Variants in TG observed in about 807,000 individuals in gnomAD.
TG encodes thyroglobulin, also known as thyroid hormones.
TG carries 270 observed loss-of-function variants against 324.7 expected under a neutral mutation model. The ratio of observed to expected loss-of-function variants is 0.83; its 90% confidence interval spans 0.75 to 0.92. The LOEUF is 0.92. Among genes scored for constraint, TG ranks in the 40% least tolerant of loss-of-function variants. The pLI, the probability that TG is intolerant of heterozygous loss-of-function variation, is 0.00. For missense variants in TG, 3,591 were observed against 3,456.4 expected, an observed-to-expected ratio of 1.04 and a Z score of -0.98; for synonymous variants, 1,401 against 1,327.0, an observed-to-expected ratio of 1.06 and a Z score of -1.21.
intron 10 of TG, among the ~76,000 whole-genome samples, chr8:132,889,646 C>T (rs994568742): frequency 1.3e-5 from 2 of 152,194 alleles, no homozygotes; most frequent in African/African-American, 4.8e-5. Context: ...TAGAATCATT[C>T]TCCATACCAG....
Position 132,901,429 on chromosome 8 carries a change from G to A in TG, c.3510G>A (p.Arg1170=), listed in dbSNP as rs1441533637. Residue 1170 remains arginine (R), a synonymous_variant, in exon 16 of 48, where the codon AGG becomes AGA. Coordinates refer to ENST00000220616, the MANE Select transcript of TG (RefSeq NM_003235.5). ...RVSPGYVPAC[R]AEDGGFSPVQ... is the part of the protein sequence containing the mutation. ...GCCCAGGCTATGTCCCAGCCTGCAG[G>A]GCAGAGGATGGGGGCTTTTCCCCAG... 11 of 1,614,136 alleles carry A rather than the reference G, an allele frequency of 6.8e-6. No homozygotes were observed. The highest frequency in any genetic ancestry group is 7.6e-6 in the Non-Finnish European group (9 of 1,180,056).
At position 133,063,593 on chromosome 8, in the gene TG, A is replaced by T. The variant is rs1416930809; in HGVS notation, c.7240-31451A>T. ...AAAGAAACGTACCCAGGGTCATGAGATGAGAAAGTTTGAGTCAGTCCTAGA... is the reference window on the plus strand; with the variant it reads ...AAAGAAACGTACCCAGGGTCATGAGTTGAGAAAGTTTGAGTCAGTCCTAGA... On this transcript the variant is annotated intron_variant, in intron 41 of 47. Transcript: ENST00000220616. The T allele has an allele frequency of 2.6e-5, 4 of 151,894 alleles. 1 individual carries two copies. In the South Asian group the frequency reaches 8.3e-4, roughly 32 times the overall value. The allele number at this position is 151,894 out of a possible 1,614,324, so 9.4% of individuals were successfully genotyped here. A position where few individuals can be genotyped will look rare whatever the true frequency, so the allele number is the denominator to read the frequency against.
rs976413859 is a variant in TG at position 132,873,478 on chromosome 8, G to A, written c.638+257G>A. Among the ~76,000 whole-genome samples the A allele has an allele frequency of 7.2e-5, 11 of 152,114 alleles. No individual in the cohort carries two copies. The South Asian group carries it at 1.4e-3, about 20-fold the overall frequency. The stretch of plus-strand genomic sequence containing the variant: ...AAACATCAGAATGTGAAGACATATC[G>A]GCTAGGGTGCCTACTACATCATTTT... On this transcript the variant is annotated intron_variant, in intron 5 of 47. Transcript: ENST00000220616.
Position 133,056,035 on chromosome 8 carries a change from A to T in TG, c.7239+26012A>T, listed in dbSNP as rs1841390776. On this transcript the variant is annotated intron_variant, in intron 41 of 47. Coordinates refer to ENST00000220616, the MANE Select transcript of TG (RefSeq NM_003235.5). ...GTCCAGAGACCGCCCAAGAGCACAC[A>T]CCTAGGAAGCTGAGTGCCAGGTTTC... Among the ~76,000 whole-genome samples, 4 of 152,250 alleles carry T rather than the reference A, an allele frequency of 2.6e-5. No individual in the cohort carries two copies. The South Asian group carries it at 8.3e-4, about 32-fold the overall frequency.
intron 10 of TG, among the ~76,000 whole-genome samples, chr8:132,889,465 G>A (rs16904777): frequency 1.3e-5 from 2 of 152,166 alleles, no homozygotes; most frequent in East Asian, 1.9e-4. Context: ...TCGGGTGAAA[G>A]TACCATGTGA....
intron 33 of TG, 103 bp downstream of exon 33, chr8:132,971,976 C>T (rs113952112): frequency 4.9e-5 from 42 of 859,316 alleles, no homozygotes; most frequent in Admixed American, 3.8e-5. Context: ...CTCCTATCCT[C>T]GTTCACAGAT....
At chr8:132,916,343 A>G (rs760865154) in intron 20 of TG, among the ~76,000 whole-genome samples, 55 of 152,066 alleles carry the variant, frequency 3.6e-4, no homozygotes, top group Non-Finnish European at 6.6e-4. Context: ...TCTAAATCCA[A>G]CTCTGTCTGC....
intron 40 of TG, among the ~76,000 whole-genome samples, chr8:133,027,484 G>A (rs1490797694): frequency 2.0e-5 from 3 of 152,044 alleles, no homozygotes; most frequent in African/African-American, 7.2e-5. Context: ...CTGAGGATGA[G>A]AAGAACTGGA....
At chr8:132,937,822 T>G (rs568377122) in intron 25 of TG, among the ~76,000 whole-genome samples, 2 of 152,350 alleles carry the variant, frequency 1.3e-5, no homozygotes, top group South Asian at 4.1e-4. Context: ...TTTTCCTTTT[T>G]GTCTCCTGAA....
chr8:133,053,064 T>C (rs535678482), intron 41 of TG, among the ~76,000 whole-genome samples: 1 of 152,336 alleles, frequency 6.6e-6, no homozygotes, highest in East Asian at 1.9e-4. Context: ...GCACCCTGGT[T>C]CTCAGAGCCT....
intron 2 of TG, among the ~76,000 whole-genome samples, chr8:132,869,448 G>A (rs1354303087): frequency 6.6e-6 from 1 of 152,204 alleles, no homozygotes; most frequent in Non-Finnish European, 1.5e-5. Flanking sequence ...TGTGGCTGAA[G>A]CCCTGCACTC....
intron 23 of TG, among the ~76,000 whole-genome samples, chr8:132,929,780 A>G (rs1822424954): frequency 6.6e-6 from 1 of 152,208 alleles, no homozygotes; most frequent in Non-Finnish European, 1.5e-5. Flanking sequence ...TTACCACTAT[A>G]CAATTCATCC....
intron 34 of TG, among the ~76,000 whole-genome samples, chr8:132,978,596 G>A (rs1830453895): frequency 6.6e-6 from 1 of 152,162 alleles, no homozygotes; most frequent in South Asian, 2.1e-4. Context: ...TGTTGGGGGT[G>A]CTTCTTCAGA....
At chr8:133,074,589 CT>C (rs1313768017) in intron 41 of TG, among the ~76,000 whole-genome samples, 1 of 152,148 alleles carries the variant, frequency 6.6e-6, no homozygotes, top group Non-Finnish European at 1.5e-5. Flanking sequence ...AAGTACAAGC[CT>C]TTTTGGCGAG....
intron 41 of TG, among the ~76,000 whole-genome samples, chr8:133,044,357 A>G (rs1838895543): frequency 6.6e-6 from 1 of 152,106 alleles, no homozygotes; most frequent in Non-Finnish European, 1.5e-5. Flanking sequence ...TCCCCATCTT[A>G]TCAGCCTGGG....
chr8:133,051,287 C>A (rs2252696), intron 41 of TG, among the ~76,000 whole-genome samples: 75,873 of 151,982 alleles, frequency 0.5, 19,348 homozygotes, highest in Non-Finnish European at 0.53. Flanking sequence ...TTCCAGGGTC[C>A]TTAGGAGAGG....
chr8:132,899,122 A>T, intron 14 of TG: 1 of 598,486 alleles, frequency 1.7e-6, no homozygotes, highest in Non-Finnish European at 3.0e-6. Context: ...TAATCATAAG[A>T]TCAGGCCACA....
chr8:132,971,878 T>C lies in TG; in HGVS notation c.6055+5T>C. Reference sequence around the variant, plus strand: ...TAAATGTTTCCCAGTTAAAAGGTAATAATGGTAACAACTTCCTCTCCCCTG... The same window carrying C: ...TAAATGTTTCCCAGTTAAAAGGTAACAATGGTAACAACTTCCTCTCCCCTG... On this transcript the variant is annotated splice_donor_5th_base_variant and intron_variant, in intron 33 of 47. Coordinates refer to ENST00000220616, the MANE Select transcript of TG (RefSeq NM_003235.5). The C allele has an allele frequency of 6.2e-7, 1 of 1,601,386 alleles. No individual in the cohort carries two copies. Among genetic ancestry groups the C allele is most frequent in the South Asian group, 1.1e-5 (1 of 90,844 alleles).
In TG at chr8:133,030,017, G is replaced by A. The variant is rs1836473567; in HGVS notation, c.7233G>A (p.Val2411=). 6.2e-7 allele frequency: 1 copy of A among 1,614,234 alleles called. No homozygotes were observed. Among genetic ancestry groups the A allele is most frequent in the Non-Finnish European group, 8.5e-7 (1 of 1,180,052 alleles). Residue 2411 remains valine, a synonymous_variant, in exon 41 of 48, where the codon GTG becomes GTA. Coordinates refer to ENST00000220616, the MANE Select transcript of TG (RefSeq NM_003235.5). ...ATNSQLFRRA[V]LMGGSALSPA... ...ACTCCCAACTTTTCCGGAGAGCTGT[G>A]CTGATGGTAAGTGGTGTGTGTTCTA...
Sources: gnomAD v4.1 joint callset for allele counts (sites outside exome capture counted in the v4.1 genomes callset) on GRCh38, gnomAD v4.1.1 for gene constraint, MANE v1.5 for transcripts, NCBI Gene and HGNC (gene_info 2026-07-23, HGNC 2026-07-21) for gene names.